The following KLHDC10 variants were observed in gnomAD, a reference collection of about 807,000 sequenced individuals.
KLHDC10 encodes kelch domain containing 10.
A neutral mutation model predicts 56.1 loss-of-function variants in KLHDC10; 24 were observed. The observed-to-expected ratio is 0.43, with a 90% CI of 0.31 to 0.60. KLHDC10 has a LOEUF of 0.60. KLHDC10 is among the 20% of genes least tolerant of loss of function. The probability of loss-of-function intolerance (pLI) is 0.11; values close to 1 mark genes in which losing one functional copy is unlikely to be tolerated. For missense variants in KLHDC10, 349 were observed against 567.0 expected, an observed-to-expected ratio of 0.62 and a Z score of 3.91; for synonymous variants, 188 against 207.1, an observed-to-expected ratio of 0.91 and a Z score of 0.79.
At chr7:130,128,889 A>AAAAAAAAAAAAAAATATATATATAT in intron 8 of KLHDC10, among the ~76,000 whole-genome samples, 5 of 66,952 alleles carry the variant, frequency 7.5e-5, no homozygotes, top group Non-Finnish European at 1.4e-4. Flanking sequence ...AAAAAAAAAA[A>AAAAAAAAAAAAAAATATATATATAT]ATATATATAT....
intron 1 of KLHDC10, among the ~76,000 whole-genome samples, chr7:130,085,289 T>C (rs916542852): frequency 7.0e-6 from 1 of 143,238 alleles, no homozygotes. Flanking sequence ...GCCGAGATCA[T>C]GCCACTGCAC....
Position 130,070,655 on chromosome 7 carries a change from C to G in KLHDC10, c.12C>G (p.Ala4=). 7.6e-7 allele frequency: 1 copy of G among 1,313,474 alleles called. No homozygotes were observed. The highest frequency in any genetic ancestry group is 9.7e-7 in the Non-Finnish European group (1 of 1,026,226). The allele number at this position is 1,313,474 out of a possible 1,614,324, so 81.4% of individuals were successfully genotyped here. A position where few individuals can be genotyped will look rare whatever the true frequency, so the allele number is the denominator to read the frequency against. Reference sequence around the variant, plus strand: ...ATCGTTAGCGGGTCATGTCGGCCGCCCAGGGCTGGGACAGGAACCGCCGGA... The same window carrying G: ...ATCGTTAGCGGGTCATGTCGGCCGCGCAGGGCTGGGACAGGAACCGCCGGA... MSA[A]QGWDRNRRRG... Residue 4 remains alanine, a synonymous_variant, in exon 1 of 10, where the codon GCC becomes GCG. Transcript: ENST00000335420.
At chr7:130,090,664 G>A (rs1584623696) in intron 1 of KLHDC10, among the ~76,000 whole-genome samples, 2 of 151,406 alleles carry the variant, frequency 1.3e-5, no homozygotes, top group East Asian at 3.9e-4. Flanking sequence ...GCAATTTCTT[G>A]GAATGATAAC....
chr7:130,123,229 G>A (rs1238826978), intron 5 of KLHDC10, among the ~76,000 whole-genome samples: 1 of 152,174 alleles, frequency 6.6e-6, no homozygotes, highest in Non-Finnish European at 1.5e-5. Flanking sequence ...AGCACTTTGG[G>A]AGGCTGAGGC....
intron 2 of KLHDC10, among the ~76,000 whole-genome samples, chr7:130,108,029 CAAAA>C (rs1006450868): frequency 1.3e-4 from 19 of 146,118 alleles, no homozygotes; most frequent in African/African-American, 2.0e-4. Flanking sequence ...CAAAACAAAA[CAAAA>C]AACCCTTCCC....
At chr7:130,102,261 G>C (rs572872779) in intron 2 of KLHDC10, among the ~76,000 whole-genome samples, 3 of 152,140 alleles carry the variant, frequency 2.0e-5, no homozygotes, top group Admixed American at 6.5e-5. Flanking sequence ...CCTTCCATTT[G>C]GGTTTTGGAG....
At chr7:130,073,888 C>T (rs979774087) in intron 1 of KLHDC10, among the ~76,000 whole-genome samples, 12 of 152,198 alleles carry the variant, frequency 7.9e-5, no homozygotes, top group African/African-American at 2.2e-4. Context: ...CTCCAATCCA[C>T]GGTGCCACCA....
intron 2 of KLHDC10, among the ~76,000 whole-genome samples, chr7:130,106,702 GCA>G: frequency 6.6e-6 from 1 of 152,292 alleles, no homozygotes; most frequent in African/African-American, 2.4e-5. Flanking sequence ...TGTGTTGGGC[GCA>G]CAGTGGCTCA....
chr7:130,102,548 A>T (rs1417202781), intron 2 of KLHDC10, among the ~76,000 whole-genome samples: 1 of 152,194 alleles, frequency 6.6e-6, no homozygotes, highest in Non-Finnish European at 1.5e-5. Context: ...CTGGCTGGGC[A>T]TGGTGGCTCA....
chr7:130,070,544 C>G lies in KLHDC10; in HGVS notation c.-100C>G. ...GTGGGACCGGGCGCTGCCCCCTTCC[C>G]CTGTCTCCTGGGTCTCTGGAGGAGC... On this transcript the variant is annotated 5_prime_UTR_variant, in exon 1 of 10. Transcript: ENST00000335420. 6 of 1,158,996 alleles carry G rather than the reference C, an allele frequency of 5.2e-6. No individual in the cohort carries two copies. Among genetic ancestry groups the G allele is most frequent in the Non-Finnish European group, 6.6e-6 (6 of 914,738 alleles). 71.8% of individuals were successfully genotyped at this position (1,158,996 alleles called of 1,614,324 possible). A position where few individuals can be genotyped will look rare whatever the true frequency, so the allele number is the denominator to read the frequency against.
intron 1 of KLHDC10, among the ~76,000 whole-genome samples, chr7:130,082,627 T>C (rs903243449): frequency 6.6e-6 from 1 of 152,246 alleles, no homozygotes; most frequent in African/African-American, 2.4e-5. Context: ...GCTGGTGGCC[T>C]ATTTTACTTC....
intron 1 of KLHDC10, among the ~76,000 whole-genome samples, chr7:130,076,989 A>T (rs1253774187): frequency 6.6e-6 from 1 of 152,016 alleles, no homozygotes; most frequent in East Asian, 1.9e-4. Flanking sequence ...ATATTTATAG[A>T]TTAATTTAGA....
At chr7:130,126,652 G>T (rs1255285591) in intron 7 of KLHDC10, among the ~76,000 whole-genome samples, 2 of 151,816 alleles carry the variant, frequency 1.3e-5, no homozygotes, top group Non-Finnish European at 2.9e-5. Context: ...CTCCAACCTG[G>T]GAGACAGAGC....
chr7:130,082,179 G>A (rs1229534418), intron 1 of KLHDC10, among the ~76,000 whole-genome samples: 1 of 152,038 alleles, frequency 6.6e-6, no homozygotes, highest in African/African-American at 2.4e-5. Context: ...CCAGCTGTGG[G>A]GGCACATGCC....
intron 8 of KLHDC10, among the ~76,000 whole-genome samples, chr7:130,129,212 T>G (rs1299742304): frequency 6.6e-6 from 1 of 152,144 alleles, no homozygotes; most frequent in Non-Finnish European, 1.5e-5. Context: ...TGAAGGCTCC[T>G]TAGAGGCTTG....
rs369616370 is a variant in KLHDC10, at chr7:130,120,103, G to A, written c.476-646G>A. On this transcript the variant is annotated intron_variant, in intron 3 of 9. Coordinates refer to ENST00000335420, the MANE Select transcript of KLHDC10 (RefSeq NM_014997.4). The surrounding 1 kb of genome is among the most constrained non-coding windows in gnomAD (Gnocchi z 5.1). ...TGTAAATTTAGAAATCATTCTCCTG[G>A]CAAAAACAGAATGTCCCTTTAGTCC... is the stretch of plus-strand genomic sequence containing the variant. Among the ~76,000 whole-genome samples, 15 of 152,250 alleles carry A rather than the reference G, an allele frequency of 9.9e-5. No homozygotes were observed. Among genetic ancestry groups the A allele is most frequent in the African/African-American group, 3.4e-4 (14 of 41,536 alleles).
At chr7:130,096,586 A>T (rs1246851846) in intron 1 of KLHDC10, among the ~76,000 whole-genome samples, 2 of 152,150 alleles carry the variant, frequency 1.3e-5, no homozygotes, top group Non-Finnish European at 2.9e-5. Context: ...TAAAAATGTC[A>T]TCGTTTCTAA....
At chr7:130,119,199 C>G (rs1208375812) in intron 3 of KLHDC10, among the ~76,000 whole-genome samples, 3 of 113,252 alleles carry the variant, frequency 2.6e-5, no homozygotes, top group Non-Finnish European at 5.6e-5. Flanking sequence ...GACAGCAAGA[C>G]TCCAACTCAA....
intron 1 of KLHDC10, among the ~76,000 whole-genome samples, chr7:130,091,096 T>C (rs1795766365): frequency 1.3e-5 from 2 of 152,226 alleles, no homozygotes; most frequent in South Asian, 2.1e-4. Context: ...TGAAGGACAT[T>C]GGGATTGCTT....
Sources: allele counts gnomAD v4.1 joint callset (sites outside exome capture counted in the v4.1 genomes callset), GRCh38; gene constraint gnomAD v4.1.1; non-coding constraint Gnocchi (gnomAD v3.1); transcripts MANE v1.5; gene names NCBI Gene and HGNC (gene_info 2026-07-23, HGNC 2026-07-21).